The following MSRB3 variants were observed in gnomAD, a reference collection of about 807,000 sequenced individuals.
MSRB3 encodes the protein methionine-R-sulfoxide reductase B3.
MSRB3 carries 13 observed loss-of-function variants against 21.0 expected under a neutral mutation model. The observed-to-expected ratio is 0.62, with a 90% CI of 0.40 to 0.98. The LOEUF (loss-of-function observed/expected upper bound fraction) is 0.98. MSRB3 is among the 50% of genes least tolerant of loss of function. The pLI is 0.00. For synonymous variants in MSRB3, 87 were observed against 88.6 expected, an observed-to-expected ratio of 0.98 and a Z score of 0.10; for missense variants, 199 against 230.3, an observed-to-expected ratio of 0.86 and a Z score of 0.88.
intron 1 of MSRB3, chr12:65,284,091 T>C (rs1872202653): frequency 6.6e-6 from 1 of 152,128 alleles, no homozygotes; most frequent in African/African-American, 2.4e-5. Context: ...AAAATGAGCA[T>C]GTATAAAGTG....
chr12:65,461,069 A>AAC (rs147455687), intron 6 of MSRB3, among the ~76,000 whole-genome samples: 90 of 151,610 alleles, frequency 5.9e-4, no homozygotes, highest in African/African-American at 1.7e-3. Context: ...TCTCTCATTA[A>AAC]ACACACACAC....
chr12:65,303,820 G>A (rs908590989), intron 1 of MSRB3, among the ~76,000 whole-genome samples: 2 of 152,246 alleles, frequency 1.3e-5, no homozygotes, highest in Admixed American at 6.5e-5. Context: ...GGAGGCGTTA[G>A]GAATGGTGGA....
intron 5 of MSRB3, among the ~76,000 whole-genome samples, chr12:65,436,873 A>C (rs538715628): frequency 6.6e-6 from 1 of 151,958 alleles, no homozygotes; most frequent in Non-Finnish European, 1.5e-5. Context: ...TTGGATTTAC[A>C]TGCCAACTTC....
At position 65,328,067 on chromosome 12, in the gene MSRB3, T is replaced by C. The variant is rs567078487; in HGVS notation, c.186-459T>C. On this transcript the variant is annotated intron_variant, in intron 3 of 6. Transcript: ENST00000308259. ...ATTAGCTGAATGACCTCCTAGCCTTTAAGATTGTTAACTTAGAAAAATATT... is the reference window on the plus strand; with the variant it reads ...ATTAGCTGAATGACCTCCTAGCCTTCAAGATTGTTAACTTAGAAAAATATT... Among the ~76,000 whole-genome samples, 15 of 152,338 alleles carry C rather than the reference T, an allele frequency of 9.8e-5. No individual in the cohort carries two copies. In the East Asian group the frequency reaches 2.9e-3, roughly 29 times the overall value.
At chr12:65,378,724 G>A (rs1424828605) in intron 5 of MSRB3, among the ~76,000 whole-genome samples, 2 of 152,118 alleles carry the variant, frequency 1.3e-5, no homozygotes, top group Admixed American at 6.5e-5. Context: ...CTATCTCTCA[G>A]GGATGGGCTC....
At chr12:65,330,498 C>T (rs893149417) in intron 4 of MSRB3, among the ~76,000 whole-genome samples, 7 of 152,130 alleles carry the variant, frequency 4.6e-5, no homozygotes, top group Admixed American at 6.5e-5. Flanking sequence ...AGAATGTAGT[C>T]GAGTAGCTCA....
chr12:65,327,934 A>G (rs1329431630), intron 3 of MSRB3, among the ~76,000 whole-genome samples: 1 of 152,220 alleles, frequency 6.6e-6, no homozygotes, highest in Non-Finnish European at 1.5e-5. Flanking sequence ...GGTCATTCTT[A>G]AAAATTCTGT....
At chr12:65,371,047 G>T (rs1878287915) in intron 5 of MSRB3, among the ~76,000 whole-genome samples, 1 of 152,154 alleles carries the variant, frequency 6.6e-6, no homozygotes, top group South Asian at 2.1e-4. Flanking sequence ...GTAGCATAGG[G>T]CCGGGCACAG....
chr12:65,387,841 AT>A (rs35601870), intron 5 of MSRB3, among the ~76,000 whole-genome samples: 7 of 151,500 alleles, frequency 4.6e-5, no homozygotes, highest in Admixed American at 2.0e-4. Context: ...TGGTTGCTTG[AT>A]TTTTTTTTCC....
chr12:65,443,756 A>G (rs1882491297), intron 5 of MSRB3, among the ~76,000 whole-genome samples: 1 of 152,062 alleles, frequency 6.6e-6, no homozygotes, highest in Non-Finnish European at 1.5e-5. Context: ...GTTCAGTGGT[A>G]TGAAATACAT....
intron 6 of MSRB3, among the ~76,000 whole-genome samples, chr12:65,457,672 TGA>T (rs1490008271): frequency 2.6e-5 from 4 of 151,614 alleles, no homozygotes; most frequent in African/African-American, 9.7e-5. Flanking sequence ...ACCTACAGAA[TGA>T]GAGAAAATTT....
chr12:65,283,420 T>G (rs929470098), intron 1 of MSRB3, among the ~76,000 whole-genome samples: 14 of 151,964 alleles, frequency 9.2e-5, no homozygotes, highest in Admixed American at 5.2e-4. Context: ...CATATGTCAG[T>G]GAATCACCTA....
chr12:65,369,790 T>C (rs951879465), intron 5 of MSRB3, among the ~76,000 whole-genome samples: 2 of 152,186 alleles, frequency 1.3e-5, no homozygotes, highest in African/African-American at 2.4e-5. Flanking sequence ...TAAACATTAA[T>C]TTTTGAATTC....
chr12:65,459,541 G>A (rs1883231233), intron 6 of MSRB3, among the ~76,000 whole-genome samples: 1 of 152,152 alleles, frequency 6.6e-6, no homozygotes, highest in African/African-American at 2.4e-5. Flanking sequence ...TTACACACAA[G>A]TGTCTTCAAT....
chr12:65,300,417 A>G (rs59775043), intron 1 of MSRB3, among the ~76,000 whole-genome samples: 6,399 of 152,218 alleles, frequency 0.042, 435 homozygotes, highest in African/African-American at 0.15. Context: ...GAGAGAAACT[A>G]TAGACTTTTG....
intron 5 of MSRB3, among the ~76,000 whole-genome samples, chr12:65,413,311 C>G (rs946770064): frequency 1.3e-5 from 2 of 152,180 alleles, no homozygotes; most frequent in African/African-American, 4.8e-5. Flanking sequence ...TTTATGCTAA[C>G]TCCATGAATA....
chr12:65,389,558 G>A (rs904040367), intron 5 of MSRB3, among the ~76,000 whole-genome samples: 2 of 152,140 alleles, frequency 1.3e-5, no homozygotes, highest in African/African-American at 4.8e-5. Flanking sequence ...CTATCCTCAC[G>A]TGTGATTTCA....
At chr12:65,387,345 T>G (rs568898925) in intron 5 of MSRB3, among the ~76,000 whole-genome samples, 2 of 152,092 alleles carry the variant, frequency 1.3e-5, no homozygotes, top group Admixed American at 6.5e-5. Context: ...TTGGACACAC[T>G]GACAGTCGCT....
In MSRB3 at chr12:65,317,557, A is replaced by C. The variant is rs552952839; in HGVS notation, c.76+8902A>C. ...CACTCTGCAAGAGGAATAACATGTT[A>C]GCATTTTTTTCAGAGCCAGTGTTTT... On this transcript the variant is annotated intron_variant, in intron 2 of 6. Transcript: ENST00000308259. Among the ~76,000 whole-genome samples the C allele has an allele frequency of 2.0e-5, 3 of 152,342 alleles. No homozygotes were observed. In the East Asian group the frequency reaches 5.8e-4, roughly 29 times the overall value.
Sources: allele counts gnomAD v4.1 joint callset (sites outside exome capture counted in the v4.1 genomes callset), GRCh38; gene constraint gnomAD v4.1.1; transcripts MANE v1.5; gene names NCBI Gene and HGNC (gene_info 2026-07-23, HGNC 2026-07-21).